NAV1: variants seen among roughly 807,000 people sequenced by gnomAD.
NAV1 encodes the protein neuron navigator 1, also known as pore membrane and/or filament interacting like protein 3.
Under a neutral mutation model 175.2 loss-of-function variants are expected in NAV1, and 18 were observed. The observed-to-expected ratio is 0.10, with a 90% CI of 0.07 to 0.15. NAV1 has a LOEUF of 0.15. NAV1 is among the 10% of genes least tolerant of loss of function. The pLI is 1.00. For missense variants in NAV1, 1,731 were observed against 2,436.6 expected (o/e 0.71, Z 6.10); for synonymous variants, 897 against 978.7 (o/e 0.92, Z 1.56).
chr1:201,631,462 T>C (rs972936971), intron 2 of NAV1, among the ~76,000 whole-genome samples: 1 of 152,260 alleles, frequency 6.6e-6, no homozygotes, highest in African/African-American at 2.4e-5. Flanking sequence ...TCAGTGAGTG[T>C]TTGCCTTGTG....
chr1:201,775,744 A>C (rs557879168), intron 3 of NAV1, among the ~76,000 whole-genome samples: 1 of 152,350 alleles, frequency 6.6e-6, no homozygotes, highest in African/African-American at 2.4e-5. Context: ...AAATTTTTTA[A>C]AGAAGCCTTG....
intron 1 of NAV1, among the ~76,000 whole-genome samples, chr1:201,697,131 G>T (rs1302646090): frequency 6.6e-6 from 1 of 152,160 alleles, no homozygotes; most frequent in Non-Finnish European, 1.5e-5. Context: ...TGATACCCAA[G>T]CCCTGGAGGG....
At position 201,539,869 on chromosome 1, in the gene NAV1, CCCGGGATGCG is replaced by C. The variant is rs1410604892; in HGVS notation, c.-144+534_-144+543del. Among the ~76,000 whole-genome samples the C allele has an allele frequency of 6.6e-6, 1 of 152,178 alleles. No homozygotes were observed. The highest frequency in any genetic ancestry group is 2.4e-5 in the African/African-American group (1 of 41,448). On this transcript the variant is annotated intron_variant, in intron 1 of 33. Coordinates refer to the NAV1 transcript ENST00000685211. This position sits in a 1 kb window ranked among gnomAD's most constrained non-coding sequence, Gnocchi z 5.6. The stretch of plus-strand genomic sequence containing the variant: ...CGTTCCAGAAAACGTTCCCCGCACC[CCCGGGATGCG>C]CCGGGAAGCGCCCTCCCGCCAATCT...
chr1:201,683,745 G>T (rs1364972126), intron 1 of NAV1, among the ~76,000 whole-genome samples: 1 of 152,116 alleles, frequency 6.6e-6, no homozygotes, highest in African/African-American at 2.4e-5. Flanking sequence ...TCGCTAAGGT[G>T]GTGTTCATTG....
chr1:201,567,099 C>G (rs989604497), intron 1 of NAV1, among the ~76,000 whole-genome samples: 8 of 151,734 alleles, frequency 5.3e-5, no homozygotes, highest in African/African-American at 1.7e-4. Flanking sequence ...AAATGACCAG[C>G]TGCTCTTCAC....
At chr1:201,624,406 C>T (rs56718456) in intron 1 of NAV1, among the ~76,000 whole-genome samples, 2,013 of 130,440 alleles carry the variant, frequency 0.015, 46 homozygotes, top group African/African-American at 0.055. Flanking sequence ...TACAGTGGTG[C>T]GATCTCGGCT....
At chr1:201,664,671 A>G (rs940312231) in intron 1 of NAV1, among the ~76,000 whole-genome samples, 1 of 152,106 alleles carries the variant, frequency 6.6e-6, no homozygotes, top group Non-Finnish European at 1.5e-5. Context: ...ACAGTGCTGC[A>G]CTCGACAACC....
chr1:201,639,199 G>A (rs376165609), intron 2 of NAV1, among the ~76,000 whole-genome samples: 2 of 152,244 alleles, frequency 1.3e-5, no homozygotes, highest in Admixed American at 6.5e-5. Context: ...AGAGGTCAAA[G>A]TTGTCAGCAG....
intron 1 of NAV1, among the ~76,000 whole-genome samples, chr1:201,703,184 A>C (rs1466467117): frequency 6.6e-6 from 1 of 152,148 alleles, no homozygotes; most frequent in Non-Finnish European, 1.5e-5. Flanking sequence ...AGGGTGTCAC[A>C]TGAAGGGTCT....
intron 15 of NAV1, 151 bp from the exon 20 acceptor site, chr1:201,803,442 G>T (rs1216338105): frequency 1.4e-6 from 1 of 716,072 alleles, no homozygotes; most frequent in East Asian, 3.0e-5. Flanking sequence ...CTCAATAAAT[G>T]TTTGCTGAAT....
In NAV1 at chr1:201,575,802, A is replaced by T. The variant is rs149814358; in HGVS notation, c.-143-12737A>T. Among the ~76,000 whole-genome samples the T allele has an allele frequency of 3.9e-3, 592 of 152,194 alleles. 6 individuals carry two copies. The highest frequency in any genetic ancestry group is 0.013 in the African/African-American group (544 of 41,518). ...AGGGACAAATTATGAAGAGAGAGAG[A>T]CTGTAGGCTAGAGCATTTATTTGCA... On this transcript the variant is annotated intron_variant, in intron 1 of 33. Transcript: ENST00000685211.
At chr1:201,624,790 A>AT (rs1242294161) in intron 1 of NAV1, among the ~76,000 whole-genome samples, 1 of 151,998 alleles carries the variant, frequency 6.6e-6, no homozygotes, top group African/African-American at 2.4e-5. Context: ...AACTTCCTAT[A>AT]TTTTTTCCCC....
Position 201,810,430 on chromosome 1 carries a change from G to GT in NAV1, c.4562-93_4562-92insT. 1 of 1,219,296 alleles carries GT rather than the reference G, an allele frequency of 8.2e-7. No individual in the cohort carries two copies. The highest frequency in any genetic ancestry group is 1.1e-6 in the Non-Finnish European group (1 of 874,486). The allele number at this position is 1,219,296 out of a possible 1,614,324, so 75.5% of individuals were successfully genotyped here. On this transcript the variant is annotated intron_variant, in intron 23 of 29. Transcript: ENST00000367296. The surrounding 1 kb of genome is among the most constrained non-coding windows in gnomAD (Gnocchi z 6.0). The stretch of plus-strand genomic sequence containing the variant: ...GCAAGTGGCTCTGAGTTTCTTCAGG[G>GT]GGCTCCTAGATAAAGAAAGAAAAGC...
intron 1 of NAV1, among the ~76,000 whole-genome samples, chr1:201,555,941 A>G (rs1271885851): frequency 6.6e-6 from 1 of 151,948 alleles, no homozygotes; most frequent in African/African-American, 2.4e-5. Flanking sequence ...ACCCCAAGAG[A>G]ACAGTCTGTG....
At chr1:201,658,629 T>C (rs1669495477) in intron 1 of NAV1, among the ~76,000 whole-genome samples, 1 of 152,096 alleles carries the variant, frequency 6.6e-6, no homozygotes, top group Non-Finnish European at 1.5e-5. Context: ...TGGAGTGCAC[T>C]GGGACTCAAC....
chr1:201,822,293 A>C (rs1679429727), exon 30 of NAV1: 1 of 152,716 alleles, frequency 6.5e-6, no homozygotes, highest in Non-Finnish European at 1.5e-5. Context: ...TCTAACTTAG[A>C]AGGAAGAGAA....
At chr1:201,745,859 G>A (rs1049744993) in intron 3 of NAV1, among the ~76,000 whole-genome samples, 8 of 152,078 alleles carry the variant, frequency 5.3e-5, no homozygotes, top group Admixed American at 2.0e-4. Flanking sequence ...TTTTGAGAGG[G>A]TCTGGCTTTG....
intron 5 of NAV1, 53 bp downstream of exon 9, chr1:201,781,362 C>T: frequency 6.7e-7 from 1 of 1,496,750 alleles, no homozygotes; most frequent in Non-Finnish European, 8.9e-7. Context: ...TCTTTGGTTG[C>T]TCCTCTTCTT....
upstream of NAV1, among the ~76,000 whole-genome samples, chr1:201,645,085 T>C (rs1264530660): frequency 6.6e-6 from 1 of 152,146 alleles, no homozygotes; most frequent in East Asian, 1.9e-4. Context: ...CATGCTGCTA[T>C]AAAGACACAT....
Sources: allele counts gnomAD v4.1 joint callset (sites outside exome capture counted in the v4.1 genomes callset), GRCh38; gene constraint gnomAD v4.1.1; non-coding constraint Gnocchi (gnomAD v3.1); transcripts MANE v1.5; gene names NCBI Gene and HGNC (gene_info 2026-07-23, HGNC 2026-07-21).